Variants in SLC35F1 observed in about 807,000 individuals in gnomAD.
SLC35F1 encodes solute carrier family 35 member F1, also known as chromosome 6 open reading frame 169.
In SLC35F1, 14 loss-of-function variants were observed where a neutral mutation model predicts 48.7. The observed-to-expected ratio is 0.29, with a 90% confidence interval of 0.19 to 0.45. The LOEUF (loss-of-function observed/expected upper bound fraction) is 0.45. Ranked by LOEUF, SLC35F1 falls within the 20% of genes least tolerant of loss-of-function variation. The probability of loss-of-function intolerance (pLI) is 1.00; values close to 1 mark genes in which losing one functional copy is unlikely to be tolerated. For missense variants in SLC35F1, 404 were observed against 500.0 expected (o/e 0.81, Z 1.83); for synonymous variants, 190 against 202.2 (o/e 0.94, Z 0.51).
At chr6:118,227,548 T>TA (rs1775234185) in intron 2 of SLC35F1, among the ~76,000 whole-genome samples, 1 of 152,188 alleles carries the variant, frequency 6.6e-6, no homozygotes, top group Non-Finnish European at 1.5e-5. Flanking sequence ...CAGCTTAACG[T>TA]AAAAAATACC....
intron 1 of SLC35F1, among the ~76,000 whole-genome samples, chr6:117,912,841 T>C (rs2224708): frequency 0.8 from 121,146 of 151,594 alleles, 48,610 homozygotes; most frequent in South Asian, 0.9. Flanking sequence ...AAAGATGATG[T>C]GTTTTCAGGT....
chr6:118,035,980 C>G (rs1014011307), intron 1 of SLC35F1, among the ~76,000 whole-genome samples: 2 of 152,142 alleles, frequency 1.3e-5, no homozygotes, highest in African/African-American at 2.4e-5. Context: ...GCGTGAGCCA[C>G]CGCACCCAGA....
chr6:117,923,159 A>C (rs1775922077), intron 1 of SLC35F1, among the ~76,000 whole-genome samples: 1 of 152,184 alleles, frequency 6.6e-6, no homozygotes, highest in South Asian at 2.1e-4. Flanking sequence ...CCGTGATTAT[A>C]CATGACAATA....
At chr6:118,255,140 C>T (rs1582754398) in intron 3 of SLC35F1, among the ~76,000 whole-genome samples, 1 of 152,106 alleles carries the variant, frequency 6.6e-6, no homozygotes, top group South Asian at 2.1e-4. Context: ...GTTTCTGCTC[C>T]ACCTGGGCCT....
chr6:118,135,590 A>G (rs1035913184), intron 1 of SLC35F1, among the ~76,000 whole-genome samples: 1 of 151,850 alleles, frequency 6.6e-6, no homozygotes, highest in Non-Finnish European at 1.5e-5. Context: ...TGAACTTCCT[A>G]CTCACTCCAC....
intron 1 of SLC35F1, among the ~76,000 whole-genome samples, chr6:118,064,036 G>A (rs1353006103): frequency 3.3e-5 from 5 of 152,148 alleles, no homozygotes; most frequent in Non-Finnish European, 7.4e-5. Flanking sequence ...GAGGTTTAAT[G>A]GACTTAACAG....
At chr6:118,103,872 T>A (rs1387207840) in intron 1 of SLC35F1, among the ~76,000 whole-genome samples, 1 of 152,214 alleles carries the variant, frequency 6.6e-6, no homozygotes, top group African/African-American at 2.4e-5. Context: ...TCTGTGGCAG[T>A]TATTTTTAGC....
Position 118,314,484 on chromosome 6 carries a change from C to T in SLC35F1, c.*232C>T, listed in dbSNP as rs141729809. On this transcript the variant is annotated 3_prime_UTR_variant, in exon 8 of 8. Transcript: ENST00000360388. The stretch of plus-strand genomic sequence containing the variant: ...TAGCTAACGTGTATCCTGATCACAA[C>T]TCCCCTGCATTCATTACTGTGAAAA... The T allele has an allele frequency of 3.2e-3, 1,735 of 545,808 alleles. 3 individuals carry two copies. The highest frequency in any genetic ancestry group is 6.6e-3 in the Admixed American group (218 of 32,858). The allele number at this position is 545,808 out of a possible 1,614,324, so 33.8% of individuals were successfully genotyped here.
intron 1 of SLC35F1, among the ~76,000 whole-genome samples, chr6:117,923,704 T>TGTATATATGTACAC (rs1775958274): frequency 9.4e-6 from 1 of 106,640 alleles, no homozygotes; most frequent in Admixed American, 1.1e-4. Context: ...CATATACATA[T>TGTATATATGTACAC]ATGTACATAT....
At chr6:118,044,557 G>C (rs1772272904) in intron 1 of SLC35F1, among the ~76,000 whole-genome samples, 1 of 152,112 alleles carries the variant, frequency 6.6e-6, no homozygotes, top group Non-Finnish European at 1.5e-5. Context: ...CAGTATTTCT[G>C]TTTTTTCCTG....
At chr6:117,949,382 G>T (rs115912755) in intron 1 of SLC35F1, among the ~76,000 whole-genome samples, 1 of 152,104 alleles carries the variant, frequency 6.6e-6, no homozygotes, top group Non-Finnish European at 1.5e-5. Context: ...ACAAGTTATT[G>T]TTTATTCCTC....
At chr6:118,079,232 A>G (rs900681814) in intron 1 of SLC35F1, among the ~76,000 whole-genome samples, 2 of 151,938 alleles carry the variant, frequency 1.3e-5, no homozygotes, top group African/African-American at 4.8e-5. Flanking sequence ...GGTAGTCTCT[A>G]CTCTACTTCT....
At chr6:118,268,600 A>ATATATATT (rs1562345482) in intron 4 of SLC35F1, among the ~76,000 whole-genome samples, 1 of 87,886 alleles carries the variant, frequency 1.1e-5, no homozygotes, top group Non-Finnish European at 2.1e-5. Context: ...ATATATATAT[A>ATATATATT]TTTTTTTTTT....
At chr6:117,935,260 A>G (rs1776150253) in intron 1 of SLC35F1, among the ~76,000 whole-genome samples, 2 of 152,218 alleles carry the variant, frequency 1.3e-5, no homozygotes, top group African/African-American at 4.8e-5. Context: ...TTAAATCCAC[A>G]TGATATTAAT....
chr6:118,132,016 A>G (rs1048817637), intron 1 of SLC35F1, among the ~76,000 whole-genome samples: 2 of 152,062 alleles, frequency 1.3e-5, no homozygotes, highest in African/African-American at 4.8e-5. Flanking sequence ...TCTTTTTACT[A>G]CTATTTTGTA....
chr6:117,919,618 C>A (rs192645056), intron 1 of SLC35F1, among the ~76,000 whole-genome samples: 1 of 152,194 alleles, frequency 6.6e-6, no homozygotes, highest in African/African-American at 2.4e-5. Flanking sequence ...TGAAGTGAAA[C>A]CCACCGATCT....
intron 1 of SLC35F1, among the ~76,000 whole-genome samples, chr6:118,142,729 C>T (rs940321810): frequency 5.3e-5 from 8 of 152,134 alleles, no homozygotes; most frequent in South Asian, 2.1e-4. Context: ...AATTGGATTT[C>T]GATGTAATTT....
intron 4 of SLC35F1, among the ~76,000 whole-genome samples, chr6:118,275,080 G>T (rs1445759482): frequency 6.6e-6 from 1 of 152,154 alleles, no homozygotes; most frequent in Non-Finnish European, 1.5e-5. Flanking sequence ...GGAGGCTGAG[G>T]CAGGAGAATC....
At chr6:118,259,757 C>T (rs994294380) in intron 3 of SLC35F1, among the ~76,000 whole-genome samples, 5 of 151,780 alleles carry the variant, frequency 3.3e-5, no homozygotes, top group Non-Finnish European at 7.4e-5. Flanking sequence ...AACTAGAACC[C>T]TTGTACATTG....
Sources: allele counts gnomAD v4.1 joint callset (sites outside exome capture counted in the v4.1 genomes callset), GRCh38; gene constraint gnomAD v4.1.1; transcripts MANE v1.5; gene names NCBI Gene and HGNC (gene_info 2026-07-23, HGNC 2026-07-21).